KCNA2: variants seen among roughly 807,000 people sequenced by gnomAD.
KCNA2 encodes the protein potassium channel, voltage gated shaker related subfamily A, member 2.
Under a neutral mutation model 33.4 loss-of-function variants are expected in KCNA2, and 11 were observed. That is an observed-to-expected ratio of 0.33 (90% CI 0.21 to 0.55). The LOEUF (loss-of-function observed/expected upper bound fraction) is 0.55. Among genes scored for constraint, KCNA2 ranks in the 20% least tolerant of loss-of-function variants. The probability of loss-of-function intolerance (pLI) is 0.93; values close to 1 mark genes in which losing one functional copy is unlikely to be tolerated. For synonymous variants in KCNA2, 222 were observed against 231.3 expected (o/e 0.96, Z 0.37); for missense variants, 291 against 621.6 (o/e 0.47, Z 5.66).
At chr1:110,623,811 G>A (rs993499221) in intron 1 of KCNA2, among the ~76,000 whole-genome samples, 2 of 151,678 alleles carry the variant, frequency 1.3e-5, no homozygotes, top group African/African-American at 2.4e-5. Flanking sequence ...AACTGAATAG[G>A]CATCTCACCA....
At position 110,603,883 on chromosome 1, in the gene KCNA2, T is replaced by C; in HGVS notation, c.900A>G (p.Arg300=). ...TGGACAACTTGAAAATCCTAAAGAC[T>C]CTTACCAACCGGATGACACGGAGGA... ...LAILRVIRLV[R]VFRIFKLSRH... is the part of the protein sequence containing the mutation. The change falls in exon 3 of 3, where the codon AGA becomes AGG. Residue 300 remains arginine, a synonymous_variant. Coordinates refer to ENST00000316361, the MANE Select transcript of KCNA2 (RefSeq NM_004974.4). This position sits in a 1 kb window ranked among gnomAD's most constrained non-coding sequence, Gnocchi z 5.7. 1 of 1,614,064 alleles carries C rather than the reference T, an allele frequency of 6.2e-7. No homozygotes were observed. Among genetic ancestry groups the C allele is most frequent in the Non-Finnish European group, 8.5e-7 (1 of 1,180,016 alleles).
chr1:110,629,907 T>C (rs901848445), intron 1 of KCNA2, among the ~76,000 whole-genome samples: 1 of 152,106 alleles, frequency 6.6e-6, no homozygotes, highest in African/African-American at 2.4e-5. Context: ...TCATTTATCA[T>C]TTGAATTCAT....
rs2101404053 is a variant in KCNA2, at chr1:110,604,656, G to A, written c.127C>T (p.Arg43Trp). ...AAGGTCTTTAGCTGGGTCTCAAACC[G>A]CAGCCCTGAGATGTTGATCACCACC... ...ERVVINISGL[R>W]FETQLKTLAQ... Residue 43 changes from arginine (R) to tryptophan (W), a missense_variant, in exon 3 of 3, where the codon CGG becomes TGG. Physicochemically the swap from Arg to Trp is moderately radical, Grantham distance 101. This residue lies in a region of KCNA2 where 163 missense variants were observed against 273.5 expected (regional missense o/e 0.60). Coordinates refer to ENST00000316361, the MANE Select transcript of KCNA2 (RefSeq NM_004974.4). This position sits in a 1 kb window ranked among gnomAD's most constrained non-coding sequence, Gnocchi z 7.6. 1 of 1,614,166 alleles carries A rather than the reference G, an allele frequency of 6.2e-7. No homozygotes were observed.
In KCNA2 at chr1:110,600,723, C is replaced by T; in HGVS notation, c.*2560G>A. The T allele has an allele frequency of 2.0e-6, 2 of 985,344 alleles. No individual in the cohort carries two copies. Among genetic ancestry groups the T allele is most frequent in the Non-Finnish European group, 1.2e-6 (1 of 829,964 alleles). The allele number at this position is 985,344 out of a possible 1,614,324, so 61.0% of individuals were successfully genotyped here. On this transcript the variant is annotated 3_prime_UTR_variant, in exon 3 of 3. Coordinates refer to ENST00000316361, the MANE Select transcript of KCNA2 (RefSeq NM_004974.4). ...TTCTATTTTCCAAAGATCTGTGTCC[C>T]TCCCACCCCATGCCTTGGAAATTCA...
chr1:110,623,907 T>C (rs1266514734), intron 1 of KCNA2, among the ~76,000 whole-genome samples: 2 of 147,732 alleles, frequency 1.4e-5, no homozygotes, highest in Non-Finnish European at 3.0e-5. Context: ...AGCATAATGA[T>C]CAGAACAGTG....
intron 1 of KCNA2, among the ~76,000 whole-genome samples, chr1:110,623,922 CAA>C (rs756859389): frequency 3.4e-4 from 42 of 125,358 alleles, no homozygotes; most frequent in Non-Finnish European, 3.0e-4. Context: ...ACAGTGAAGC[CAA>C]AAAAAAAAAA....
At position 110,595,798 on chromosome 1, in the gene KCNA2, C is replaced by T. The variant is rs893571450; in HGVS notation, c.*7485G>A. The stretch of plus-strand genomic sequence containing the variant: ...GTTCCATTGATTGCCACAAACCTCA[C>T]CTTCTGTGTGGCAGAGATGTGCTTT... On this transcript the variant is annotated 3_prime_UTR_variant, in exon 3 of 3. Coordinates refer to ENST00000316361, the MANE Select transcript of KCNA2 (RefSeq NM_004974.4). 1 of 985,300 alleles carries T rather than the reference C, an allele frequency of 1.0e-6. No homozygotes were observed. Among genetic ancestry groups the T allele is most frequent in the Non-Finnish European group, 1.2e-6 (1 of 829,928 alleles). 61.0% of individuals were successfully genotyped at this position (985,300 alleles called of 1,614,324 possible). A position where few individuals can be genotyped will look rare whatever the true frequency, so the allele number is the denominator to read the frequency against.
intron 1 of KCNA2, among the ~76,000 whole-genome samples, chr1:110,617,444 T>C (rs1570763808): frequency 6.6e-6 from 1 of 152,128 alleles, no homozygotes; most frequent in Non-Finnish European, 1.5e-5. Context: ...CTGTAGGTGA[T>C]AGGGAGCCAT....
Position 110,602,190 on chromosome 1 carries a change from T to A in KCNA2, c.*1093A>T, listed in dbSNP as rs1557730722. 6.5e-7 allele frequency: 1 copy of A among 1,550,008 alleles called. No homozygotes were observed. The highest frequency in any genetic ancestry group is 2.0e-5 in the Admixed American group (1 of 50,978). ...GCGTTCCTGTTTAGAAGAACAGGGATAGGTAGGCTGGGGGGCCAGAAGTTT... is the reference window on the plus strand; with the variant it reads ...GCGTTCCTGTTTAGAAGAACAGGGAAAGGTAGGCTGGGGGGCCAGAAGTTT... On this transcript the variant is annotated 3_prime_UTR_variant, in exon 3 of 3. Transcript: ENST00000316361.
chr1:110,604,487 C>T lies in KCNA2; in HGVS notation c.296G>A (p.Arg99Lys). Reference sequence around the variant, plus strand: ...ATCTAAGGGCACATTCACAGGTCGCCTCAATCGGCCCCCTGACTGGTAGTA... The same window carrying T: ...ATCTAAGGGCACATTCACAGGTCGCTTCAATCGGCCCCCTGACTGGTAGTA... ...LYYYQSGGRLRRPVNVPLDIF... is the reference protein window; with the variant it reads ...LYYYQSGGRLKRPVNVPLDIF... Residue 99 changes from arginine (R) to lysine (K), a missense_variant, in exon 3 of 3, where the codon AGG (arginine) becomes AAG (lysine). Coordinates refer to ENST00000316361, the MANE Select transcript of KCNA2 (RefSeq NM_004974.4). This position sits in a 1 kb window ranked among gnomAD's most constrained non-coding sequence, Gnocchi z 7.6. 6.2e-7 allele frequency: 1 copy of T among 1,614,230 alleles called. No homozygotes were observed.
chr1:110,593,902 C>T lies in KCNA2; in HGVS notation c.*9381G>A. 1 of 1,550,182 alleles carries T rather than the reference C, an allele frequency of 6.5e-7. No individual in the cohort carries two copies. Among genetic ancestry groups the T allele is most frequent in the Non-Finnish European group, 8.7e-7 (1 of 1,146,850 alleles). On this transcript the variant is annotated 3_prime_UTR_variant, in exon 3 of 3. Transcript: ENST00000316361. ...AGCAAGAATGATAATATCAATACAT[C>T]CTGTGCAATGTAGTTACAGCTGGTG...
chr1:110,598,019 G>T lies in KCNA2; in HGVS notation c.*5264C>A. 1 of 985,388 alleles carries T rather than the reference G, an allele frequency of 1.0e-6. No homozygotes were observed. The highest frequency in any genetic ancestry group is 1.2e-6 in the Non-Finnish European group (1 of 829,938). 61.0% of individuals were successfully genotyped at this position (985,388 alleles called of 1,614,324 possible). A position where few individuals can be genotyped will look rare whatever the true frequency, so the allele number is the denominator to read the frequency against. ...AACAAGGGCTAAGTCTGAAGATATA[G>T]ATGATGGTCACAATAGCTACTGAGA... is the stretch of plus-strand genomic sequence containing the variant. On this transcript the variant is annotated 3_prime_UTR_variant, in exon 3 of 3. Coordinates refer to ENST00000316361, the MANE Select transcript of KCNA2 (RefSeq NM_004974.4).
Position 110,596,350 on chromosome 1 carries a change from TACACAC to T in KCNA2, c.*6927_*6932del. On this transcript the variant is annotated 3_prime_UTR_variant, in exon 3 of 3. Transcript: ENST00000316361. ...TATACATATACTATATATATATATA[TACACAC>T]ATAAATATATGTATATATGGAAAAC... 1 of 363,090 alleles carries T rather than the reference TACACAC, an allele frequency of 2.8e-6. No individual in the cohort carries two copies. Among genetic ancestry groups the T allele is most frequent in the Non-Finnish European group, 3.8e-6 (1 of 262,180 alleles). The allele number at this position is 363,090 out of a possible 1,614,324, so 22.5% of individuals were successfully genotyped here.
chr1:110,602,411 C>T lies in KCNA2; in HGVS notation c.*872G>A. ...ATTCATGCAACAAACACCCATGCAG[C>T]TCTATTGCATCACTGGTAAATTTCA... On this transcript the variant is annotated 3_prime_UTR_variant, in exon 3 of 3. Coordinates refer to ENST00000316361, the MANE Select transcript of KCNA2 (RefSeq NM_004974.4). 1 of 1,359,034 alleles carries T rather than the reference C, an allele frequency of 7.4e-7. No individual in the cohort carries two copies. Among genetic ancestry groups the T allele is most frequent in the Non-Finnish European group, 9.5e-7 (1 of 1,057,770 alleles). 84.2% of individuals were successfully genotyped at this position (1,359,034 alleles called of 1,614,324 possible).
At chr1:110,610,485 T>G (rs1005270801), upstream of KCNA2, among the ~76,000 whole-genome samples, 3 of 152,108 alleles carry the variant, frequency 2.0e-5, no homozygotes, top group African/African-American at 7.2e-5. Flanking sequence ...CCTCCAGAGA[T>G]CATTTGATTT....
chr1:110,617,679 G>A (rs1384378947), intron 1 of KCNA2, among the ~76,000 whole-genome samples: 1 of 152,204 alleles, frequency 6.6e-6, no homozygotes, highest in Non-Finnish European at 1.5e-5. Context: ...AGCACCAAAA[G>A]GGAGACATTA....
chr1:110,619,376 C>T (rs1424812184), intron 1 of KCNA2, among the ~76,000 whole-genome samples: 1 of 152,240 alleles, frequency 6.6e-6, no homozygotes, highest in Admixed American at 6.5e-5. Flanking sequence ...GAAGTTCTTA[C>T]AAGGTCTCCT....
Position 110,594,041 on chromosome 1 carries a change from T to C in KCNA2, c.*9242A>G. The C allele has an allele frequency of 6.6e-7, 1 of 1,518,064 alleles. No homozygotes were observed. Among genetic ancestry groups the C allele is most frequent in the Non-Finnish European group, 8.8e-7 (1 of 1,133,822 alleles). The allele number at this position is 1,518,064 out of a possible 1,614,324, so 94.0% of individuals were successfully genotyped here. A position where few individuals can be genotyped will look rare whatever the true frequency, so the allele number is the denominator to read the frequency against. On this transcript the variant is annotated 3_prime_UTR_variant, in exon 3 of 3. Coordinates refer to ENST00000316361, the MANE Select transcript of KCNA2 (RefSeq NM_004974.4). ...ATTGGTCCCCAGCCTCTTATCACCATGGAGACCCCAGTTCCCTTTCGGCAT... is the reference window on the plus strand; with the variant it reads ...ATTGGTCCCCAGCCTCTTATCACCACGGAGACCCCAGTTCCCTTTCGGCAT...
chr1:110,617,186 T>C (rs796237918), intron 1 of KCNA2, among the ~76,000 whole-genome samples: 2 of 152,294 alleles, frequency 1.3e-5, no homozygotes, highest in African/African-American at 4.8e-5. Flanking sequence ...TTCTCTCCTG[T>C]ACCCCCAGTG....
Sources: gnomAD v4.1 joint callset for allele counts (sites outside exome capture counted in the v4.1 genomes callset) on GRCh38, gnomAD v4.1.1 for gene constraint, gnomAD v4.1.1 regional missense constraint, Gnocchi (gnomAD v3.1) non-coding constraint, MANE v1.5 for transcripts, NCBI Gene and HGNC (gene_info 2026-07-23, HGNC 2026-07-21) for gene names.